IPMK: variants seen among roughly 807,000 people sequenced by gnomAD.
IPMK encodes the protein inositol 1,3,4,6-tetrakisphosphate 5-kinase.
A neutral mutation model predicts 45.8 loss-of-function variants in IPMK; 17 were observed. The observed-to-expected ratio is 0.37, with a 90% CI of 0.25 to 0.56. The LOEUF is 0.56. Among genes scored for constraint, IPMK ranks in the 20% least tolerant of loss-of-function variants. The pLI is 0.79. For missense variants in IPMK, 399 were observed against 498.0 expected (o/e 0.80, Z 1.89); for synonymous variants, 180 against 184.3 (o/e 0.98, Z 0.19).
At chr10:58,215,211 G>A (rs1838226171) in intron 4 of IPMK, among the ~76,000 whole-genome samples, 1 of 152,076 alleles carries the variant, frequency 6.6e-6, no homozygotes, top group Admixed American at 6.6e-5. Context: ...ATAAATGAGA[G>A]AGAGTCATTT....
chr10:58,237,913 A>G, intron 1 of IPMK, 99 bp from the exon 2 acceptor site: 1 of 830,930 alleles, frequency 1.2e-6, no homozygotes, highest in East Asian at 2.6e-5. Context: ...AACTACTTCC[A>G]TTAAACTTAA....
At position 58,197,322 on chromosome 10, in the gene IPMK, A is replaced by AATAAATAAATACATACATACATAC. The variant is rs1212863029; in HGVS notation, c.629-625_629-624insGTATGTATGTATGTATTTATTTAT. Among the ~76,000 whole-genome samples the AATAAATAAATACATACATACATAC allele has an allele frequency of 5.6e-3, 619 of 110,088 alleles. 9 individuals carry two copies. The highest frequency in any genetic ancestry group is 0.022 in the African/African-American group (561 of 25,742). The allele number at this position is 110,088 out of a possible 152,430, so 72.2% of individuals were successfully genotyped here. On this transcript the variant is annotated intron_variant, in intron 5 of 5. Coordinates refer to ENST00000373935, the MANE Select transcript of IPMK (RefSeq NM_152230.5). ...TCAAAAATAAATAAATAAATAAATA[A>AATAAATAAATACATACATACATAC]ATAAATACATAAATACATAAACACA...
chr10:58,211,901 C>CAAAAAAAAAAAAAAAA lies in IPMK; in HGVS notation c.546+4228_546+4243dup, dbSNP rs753050298. Among the ~76,000 whole-genome samples the CAAAAAAAAAAAAAAAA allele has an allele frequency of 6.7e-3, 337 of 50,348 alleles. 12 individuals are homozygous for CAAAAAAAAAAAAAAAA. Among genetic ancestry groups the CAAAAAAAAAAAAAAAA allele is most frequent in the Non-Finnish European group, 9.2e-3 (260 of 28,340 alleles). The allele number at this position is 50,348 out of a possible 152,430, so 33.0% of individuals were successfully genotyped here. ...CACTCCAGCCTGGGTGACATCTCAC[C>CAAAAAAAAAAAAAAAA]AAAAAAAAAAAAAAAAAAAAAAAAT... is the stretch of plus-strand genomic sequence containing the variant. On this transcript the variant is annotated intron_variant, in intron 4 of 5. Transcript: ENST00000373935.
chr10:58,246,404 T>C (rs982567678), intron 1 of IPMK, among the ~76,000 whole-genome samples: 1 of 137,712 alleles, frequency 7.3e-6, no homozygotes, highest in African/African-American at 3.2e-5. Flanking sequence ...CTTCAAACTA[T>C]ACTACAAGGC....
intron 1 of IPMK, among the ~76,000 whole-genome samples, chr10:58,257,995 T>C (rs555472786): frequency 1.5e-4 from 23 of 152,254 alleles, no homozygotes; most frequent in South Asian, 1.0e-3. Context: ...AATCCACAAT[T>C]ACTTTCTCAA....
intron 1 of IPMK, 34 bp downstream of exon 1, chr10:58,267,388 G>A (rs752250335): frequency 1.9e-5 from 31 of 1,605,174 alleles, no homozygotes; most frequent in Non-Finnish European, 2.6e-5. Context: ...ACAGGCGGAA[G>A]GGGAGCGGCG....
intron 1 of IPMK, among the ~76,000 whole-genome samples, chr10:58,265,463 TTTGAATTAGTGACCATC>T (rs1839135019): frequency 6.6e-6 from 1 of 152,186 alleles, no homozygotes; most frequent in Admixed American, 6.5e-5. Flanking sequence ...ACTGTTGAAC[TTTGAATTAGTGACCATC>T]TTATCCATTT....
intron 3 of IPMK, among the ~76,000 whole-genome samples, chr10:58,221,242 A>T (rs1838328173): frequency 6.6e-6 from 1 of 152,118 alleles, no homozygotes; most frequent in South Asian, 2.1e-4. Context: ...CACTAACCTC[A>T]AGTATGCCCT....
chr10:58,232,672 T>C (rs1232567547), intron 2 of IPMK, among the ~76,000 whole-genome samples: 2 of 152,298 alleles, frequency 1.3e-5, no homozygotes, highest in East Asian at 3.9e-4. Flanking sequence ...CTGGGACACA[T>C]TTAAAGCAGT....
At chr10:58,233,339 G>A (rs1461453057) in intron 2 of IPMK, among the ~76,000 whole-genome samples, 3 of 152,098 alleles carry the variant, frequency 2.0e-5, no homozygotes, top group African/African-American at 7.2e-5. Flanking sequence ...ACATCATCCT[G>A]ATACCAAAGC....
intron 3 of IPMK, among the ~76,000 whole-genome samples, chr10:58,224,854 T>C (rs764961418): frequency 1.1e-4 from 17 of 152,312 alleles, no homozygotes; most frequent in Admixed American, 2.6e-4. Flanking sequence ...CAAGCAAATA[T>C]GTTTTCATGA....
intron 4 of IPMK, among the ~76,000 whole-genome samples, chr10:58,206,370 G>T (rs936425148): frequency 2.6e-5 from 4 of 152,178 alleles, no homozygotes; most frequent in Non-Finnish European, 2.9e-5. Context: ...AATACTGTAA[G>T]TTGAATGTGG....
At chr10:58,257,885 T>C (rs1339586) in intron 1 of IPMK, among the ~76,000 whole-genome samples, 51,487 of 152,048 alleles carry the variant, frequency 0.34, 10,965 homozygotes, top group African/African-American at 0.61. Flanking sequence ...TAAGATGATA[T>C]AAAAATCCTA....
intron 1 of IPMK, among the ~76,000 whole-genome samples, chr10:58,262,490 TA>T (rs962770135): frequency 5.3e-5 from 8 of 152,182 alleles, no homozygotes; most frequent in African/African-American, 1.9e-4. Context: ...ATACATACTT[TA>T]AAAATCATGT....
chr10:58,248,285 G>T (rs1838831740), intron 1 of IPMK, among the ~76,000 whole-genome samples: 1 of 151,642 alleles, frequency 6.6e-6, no homozygotes, highest in Admixed American at 6.6e-5. Flanking sequence ...TAAGAATACT[G>T]TACATTTAAA....
At chr10:58,200,060 A>C (rs1361867606) in intron 4 of IPMK, among the ~76,000 whole-genome samples, 1 of 152,216 alleles carries the variant, frequency 6.6e-6, no homozygotes, top group African/African-American at 2.4e-5. Context: ...ATAATAAACT[A>C]TATCAATTTT....
chr10:58,196,358 T>G lies in IPMK; in HGVS notation c.969A>C (p.Lys323Asn). 1 of 1,614,182 alleles carries G rather than the reference T, an allele frequency of 6.2e-7. No homozygotes were observed. ...GACTGTGATGCTTTTTTGTATATAT[T>G]TTCCTGTGACGCGCATACATCTTGG... ...SLSKMYARHRKIYTKKHHSQT... is the reference protein window; with the variant it reads ...SLSKMYARHRNIYTKKHHSQT... The change falls in exon 6 of 6, where the codon AAA becomes AAC. Residue 323 changes from lysine to asparagine, a missense_variant. This residue lies in a region of IPMK where 288 missense variants were observed against 398.0 expected (regional missense o/e 0.72). Coordinates refer to ENST00000373935, the MANE Select transcript of IPMK (RefSeq NM_152230.5).
At chr10:58,258,653 G>A (rs1839010455) in intron 1 of IPMK, among the ~76,000 whole-genome samples, 1 of 152,040 alleles carries the variant, frequency 6.6e-6, no homozygotes, top group Non-Finnish European at 1.5e-5. Context: ...AAATTAGAAA[G>A]TATTTTTAAT....
rs1837997679 is a variant in IPMK at position 58,201,473 on chromosome 10, A to G, written c.547-2152T>C. 2.0e-5 allele frequency among the ~76,000 whole-genome samples: 3 copies of G among 152,248 alleles called. No homozygotes were observed. The South Asian group carries it at 6.2e-4, about 32-fold the overall frequency. Reference sequence around the variant, plus strand: ...TTGGGATGTCACGAAGCACACGCACATAAGATGGCAAATTGGATAAATATG... The same window carrying G: ...TTGGGATGTCACGAAGCACACGCACGTAAGATGGCAAATTGGATAAATATG... On this transcript the variant is annotated intron_variant, in intron 4 of 5. Coordinates refer to ENST00000373935, the MANE Select transcript of IPMK (RefSeq NM_152230.5).
Sources: gnomAD v4.1 joint callset for allele counts (sites outside exome capture counted in the v4.1 genomes callset) on GRCh38, gnomAD v4.1.1 for gene constraint, gnomAD v4.1.1 regional missense constraint, MANE v1.5 for transcripts, NCBI Gene and HGNC (gene_info 2026-07-23, HGNC 2026-07-21) for gene names.